Variants in MNAT1 observed in about 807,000 individuals in gnomAD.
MNAT1 encodes MNAT1 component of CDK activating kinase.
MNAT1 carries 43 observed loss-of-function variants against 42.0 expected under a neutral mutation model. The ratio of observed to expected loss-of-function variants is 1.02; its 90% confidence interval spans 0.80 to 1.32. The LOEUF is 1.32. Ranked by LOEUF, MNAT1 falls within the 40% of genes most tolerant of loss-of-function variation. The pLI is 0.00. For synonymous variants in MNAT1, 118 were observed against 120.0 expected, an observed-to-expected ratio of 0.98 and a Z score of 0.11; for missense variants, 306 against 350.4, an observed-to-expected ratio of 0.87 and a Z score of 1.01.
intron 6 of MNAT1, among the ~76,000 whole-genome samples, chr14:60,823,225 C>G (rs921228379): frequency 6.6e-6 from 1 of 152,184 alleles, no homozygotes; most frequent in Non-Finnish European, 1.5e-5. Context: ...AAACTGAAAA[C>G]TCACTACTTG....
At chr14:60,925,191 C>T (rs749394987) in intron 7 of MNAT1, among the ~76,000 whole-genome samples, 3 of 152,058 alleles carry the variant, frequency 2.0e-5, no homozygotes, top group Admixed American at 6.6e-5. Context: ...ATTTATAATA[C>T]GTTGTATTAG....
At chr14:60,902,313 A>G (rs1200645354) in intron 7 of MNAT1, among the ~76,000 whole-genome samples, 2 of 152,188 alleles carry the variant, frequency 1.3e-5, no homozygotes, top group Non-Finnish European at 1.5e-5. Context: ...TGTCAAATTG[A>G]TGGTCCTATT....
chr14:60,783,797 C>T (rs957351455), intron 1 of MNAT1, among the ~76,000 whole-genome samples: 2 of 152,004 alleles, frequency 1.3e-5, no homozygotes, highest in Admixed American at 6.6e-5. Flanking sequence ...CCACCGCGCC[C>T]GGCCTTTAGT....
Position 60,883,702 on chromosome 14 carries a change from A to G in MNAT1, c.809+3867A>G, listed in dbSNP as rs147929558. Among the ~76,000 whole-genome samples, 558 of 152,138 alleles carry G rather than the reference A, an allele frequency of 3.7e-3. 1 individual carries two copies. Among genetic ancestry groups the G allele is most frequent in the African/African-American group, 0.012 (512 of 41,534 alleles). Reference sequence around the variant, plus strand: ...CATTTTAACATTATTGATTCTTCCAATCCATGAACATGGAATATCTTTTGT... The same window carrying G: ...CATTTTAACATTATTGATTCTTCCAGTCCATGAACATGGAATATCTTTTGT... On this transcript the variant is annotated intron_variant, in intron 7 of 7. Transcript: ENST00000261245.
At chr14:60,855,987 A>T (rs1375383567) in intron 6 of MNAT1, among the ~76,000 whole-genome samples, 1 of 152,204 alleles carries the variant, frequency 6.6e-6, no homozygotes, top group Non-Finnish European at 1.5e-5. Context: ...AACAATATTT[A>T]AAATAGGCCA....
intron 4 of MNAT1, 56 bp from the exon 5 acceptor site, chr14:60,811,931 A>T (rs376318250): frequency 7.1e-7 from 1 of 1,399,642 alleles, no homozygotes; most frequent in South Asian, 1.6e-5. Flanking sequence ...AGTGTGGTAT[A>T]TGATTGCTCT....
chr14:60,746,590 C>T (rs538031627), intron 1 of MNAT1, among the ~76,000 whole-genome samples: 6 of 150,442 alleles, frequency 4.0e-5, no homozygotes, highest in African/African-American at 9.8e-5. Flanking sequence ...TAAAACTATT[C>T]GTATTAGCTG....
intron 3 of MNAT1, among the ~76,000 whole-genome samples, chr14:60,805,358 C>T (rs1451336713): frequency 1.3e-5 from 2 of 152,058 alleles, no homozygotes; most frequent in African/African-American, 4.8e-5. Context: ...TTATTAACAT[C>T]CTGCACCAGA....
intron 6 of MNAT1, among the ~76,000 whole-genome samples, chr14:60,843,018 G>A (rs1391268274): frequency 6.6e-6 from 1 of 152,190 alleles, no homozygotes; most frequent in East Asian, 1.9e-4. Context: ...GTCAGGGAAT[G>A]TGTGTATATC....
intron 6 of MNAT1, among the ~76,000 whole-genome samples, chr14:60,850,401 G>A (rs1200682361): frequency 6.6e-6 from 1 of 152,068 alleles, no homozygotes; most frequent in Non-Finnish European, 1.5e-5. Flanking sequence ...TTTCCACTAG[G>A]AGCATTTGAG....
chr14:60,929,075 A>G (rs1318120198), intron 7 of MNAT1, among the ~76,000 whole-genome samples: 6 of 147,184 alleles, frequency 4.1e-5, no homozygotes, highest in Non-Finnish European at 7.4e-5. Flanking sequence ...TGAACCTGGG[A>G]GGCAGAGGTT....
intron 1 of MNAT1, among the ~76,000 whole-genome samples, chr14:60,741,952 T>G (rs950628933): frequency 1.2e-4 from 18 of 152,188 alleles, no homozygotes; most frequent in Non-Finnish European, 2.9e-5. Context: ...TCATTGGGTT[T>G]AAGTCTACAT....
chr14:60,802,472 A>G lies in MNAT1; in HGVS notation c.316+4312A>G, dbSNP rs1050272524. On this transcript the variant is annotated intron_variant, in intron 3 of 7. Transcript: ENST00000261245. Reference sequence around the variant, plus strand: ...TATACAATTATTATTTGTCAACTGAAAAAAAAAGAGGGCTTTGTAAACTGG... The same window carrying G: ...TATACAATTATTATTTGTCAACTGAGAAAAAAAGAGGGCTTTGTAAACTGG... Among the ~76,000 whole-genome samples, 5 of 152,016 alleles carry G rather than the reference A, an allele frequency of 3.3e-5. No homozygotes were observed. The South Asian group carries it at 1.0e-3, about 32-fold the overall frequency.
At chr14:60,818,926 T>A in intron 6 of MNAT1, 79 bp downstream of exon 6, 1 of 1,482,756 alleles carries the variant, frequency 6.7e-7, no homozygotes, top group Non-Finnish European at 9.1e-7. Flanking sequence ...ATTTCTATAG[T>A]AAACCGAAAT....
chr14:60,779,591 TC>T (rs908454527), intron 1 of MNAT1, among the ~76,000 whole-genome samples: 2 of 151,966 alleles, frequency 1.3e-5, no homozygotes, highest in Non-Finnish European at 2.9e-5. Context: ...ATCAAGACCA[TC>T]CTGACCAACA....
chr14:60,847,220 C>T (rs376880375), intron 6 of MNAT1, among the ~76,000 whole-genome samples: 26 of 151,978 alleles, frequency 1.7e-4, no homozygotes, highest in Admixed American at 2.6e-4. Context: ...CTGGCTAACA[C>T]GGTGAAACCC....
At chr14:60,766,913 C>A (rs913329743) in intron 1 of MNAT1, among the ~76,000 whole-genome samples, 4 of 152,004 alleles carry the variant, frequency 2.6e-5, no homozygotes, top group Admixed American at 6.6e-5. Context: ...AATACAAATG[C>A]AAGAATAAAT....
chr14:60,789,078 T>G (rs114239367), intron 1 of MNAT1, among the ~76,000 whole-genome samples: 31 of 152,256 alleles, frequency 2.0e-4, no homozygotes, highest in African/African-American at 7.5e-4. Context: ...GTCTTTTGAT[T>G]TAAAGTGAGA....
At chr14:60,862,632 A>G (rs1183857090) in intron 6 of MNAT1, among the ~76,000 whole-genome samples, 1 of 152,228 alleles carries the variant, frequency 6.6e-6, no homozygotes, top group Non-Finnish European at 1.5e-5. Context: ...CTTTAGAAAC[A>G]TGGTAGATCA....
Sources: allele counts gnomAD v4.1 joint callset (sites outside exome capture counted in the v4.1 genomes callset), GRCh38; gene constraint gnomAD v4.1.1; transcripts MANE v1.5; gene names NCBI Gene and HGNC (gene_info 2026-07-23, HGNC 2026-07-21).